Variants in NF2 observed in about 807,000 individuals in gnomAD.
NF2 encodes the protein NF2, moesin-ezrin-radixin like (MERLIN) tumor suppressor, also known as merlin.
In NF2, 8 loss-of-function variants were observed where a neutral mutation model predicts 83.7. The observed-to-expected ratio is 0.10, with a 90% CI of 0.06 to 0.17. The LOEUF (loss-of-function observed/expected upper bound fraction) is 0.17, where lower values mean the gene tolerates loss of function less well. Among genes scored for constraint, NF2 ranks in the 10% least tolerant of loss-of-function variants. The pLI is 1.00. For missense variants in NF2, 533 were observed against 744.4 expected, an observed-to-expected ratio of 0.72 and a Z score of 3.31; for synonymous variants, 266 against 269.6, an observed-to-expected ratio of 0.99 and a Z score of 0.13.
Position 29,673,446 on chromosome 22 carries a change from G to A in NF2, c.1300G>A (p.Glu434Lys), listed in dbSNP as rs992662337. The A allele has an allele frequency of 1.1e-5, 17 of 1,611,868 alleles. No homozygotes were observed. Among genetic ancestry groups the A allele is most frequent in the African/African-American group, 8.0e-5 (6 of 74,932 alleles). Residue 434 changes from glutamate (E) to lysine (K), a missense_variant, in exon 12 of 16, where the codon GAG (glutamate) becomes AAG (lysine). Glu to Lys is a moderately conservative substitution (Grantham distance 56). This residue lies in a region of NF2 where 199 missense variants were observed against 240.7 expected (regional missense o/e 0.83). Transcript: ENST00000338641. ...RLMEQKVLEA[E>K]VLALKMAEES... ...GATGGAGCAGAAGGTGCTGGAAGCC[G>A]AGGTGCTGGCACTGAAGATGGCTGA... is the stretch of plus-strand genomic sequence containing the variant.
intron 9 of NF2, among the ~76,000 whole-genome samples, chr22:29,666,494 G>A (rs2066627373): frequency 6.6e-6 from 1 of 151,930 alleles, no homozygotes; most frequent in Non-Finnish European, 1.5e-5. Flanking sequence ...GCCTCCTGGT[G>A]CACATAGGCA....
At chr22:29,650,481 C>T (rs552034410) in intron 4 of NF2, among the ~76,000 whole-genome samples, 8 of 152,190 alleles carry the variant, frequency 5.3e-5, no homozygotes, top group South Asian at 2.1e-4. Flanking sequence ...GTGAATCAAC[C>T]GTTTATGACT....
chr22:29,669,031 C>T (rs2066708313), intron 10 of NF2, among the ~76,000 whole-genome samples: 1 of 152,232 alleles, frequency 6.6e-6, no homozygotes, highest in Non-Finnish European at 1.5e-5. Context: ...TAATTTGGGC[C>T]TTACTGCTGA....
At chr22:29,648,560 T>C (rs2066049895) in intron 4 of NF2, among the ~76,000 whole-genome samples, 1 of 152,238 alleles carries the variant, frequency 6.6e-6, no homozygotes, top group African/African-American at 2.4e-5. Context: ...TCCAGGTGGC[T>C]ACTCCAGAGG....
intron 15 of NF2, among the ~76,000 whole-genome samples, chr22:29,689,177 CAAAAAAAA>C (rs140087): frequency 1.1e-5 from 1 of 89,290 alleles, no homozygotes. Flanking sequence ...GACTCCGTCT[CAAAAAAAA>C]AAAAAAAAAA....
rs984296509 is a variant in NF2 at position 29,636,207 on chromosome 22, G to A, written c.115-544G>A. 3.9e-5 allele frequency among the ~76,000 whole-genome samples: 6 copies of A among 152,122 alleles called. No homozygotes were observed. The highest frequency in any genetic ancestry group is 1.4e-4 in the African/African-American group (6 of 41,402). ...TAGGCATCCTTGACAGGACAGACCT[G>A]TGATTGGACTGTCTGGTCTCTCATG... On this transcript the variant is annotated intron_variant, in intron 1 of 15. Transcript: ENST00000338641. The surrounding 1 kb of genome is among the most constrained non-coding windows in gnomAD (Gnocchi z 4.4).
intron 1 of NF2, among the ~76,000 whole-genome samples, chr22:29,615,342 G>A (rs1033908368): frequency 3.9e-5 from 6 of 152,200 alleles, no homozygotes; most frequent in African/African-American, 1.4e-4. Context: ...GGAGACCAAG[G>A]TGGGAGGATC....
chr22:29,683,147 G>A (rs1169098254), intron 15 of NF2: 1 of 1,613,784 alleles, frequency 6.2e-7, no homozygotes, highest in African/African-American at 1.3e-5. Flanking sequence ...GCCTGTCTCT[G>A]TCCTCGGGCC....
At chr22:29,608,104 C>T (rs181411845) in intron 1 of NF2, among the ~76,000 whole-genome samples, 9 of 115,122 alleles carry the variant, frequency 7.8e-5, no homozygotes, top group East Asian at 3.2e-4. Flanking sequence ...ACCTGGGAGG[C>T]GGAGGTTGCA....
rs2065450103 is a variant in NF2 at position 29,629,350 on chromosome 22, A to T, written c.115-7401A>T. ...TATTCACTTACTGTACAGTAAAATTACTTTTATAACTTTCCATTGTGTTTT... is the reference window on the plus strand; with the variant it reads ...TATTCACTTACTGTACAGTAAAATTTCTTTTATAACTTTCCATTGTGTTTT... On this transcript the variant is annotated intron_variant, in intron 1 of 15. Coordinates refer to ENST00000338641, the MANE Select transcript of NF2 (RefSeq NM_000268.4). 2.0e-5 allele frequency among the ~76,000 whole-genome samples: 3 copies of T among 152,196 alleles called. 1 individual carries two copies. The South Asian group carries it at 6.2e-4, about 31-fold the overall frequency.
intron 3 of NF2, among the ~76,000 whole-genome samples, chr22:29,640,137 G>A (rs1404954104): frequency 1.4e-5 from 2 of 143,238 alleles, no homozygotes; most frequent in Non-Finnish European, 3.0e-5. Context: ...GGAGGTTGCA[G>A]TGAGCCAAAA....
chr22:29,630,186 G>T (rs1177762174), intron 1 of NF2, among the ~76,000 whole-genome samples: 1 of 152,216 alleles, frequency 6.6e-6, no homozygotes, highest in Admixed American at 6.5e-5. Context: ...TATTCCTAAT[G>T]CTTCCCTGGT....
At position 29,697,858 on chromosome 22, in the gene NF2, G is replaced by A. The variant is rs1020394104; in HGVS notation, c.*3056G>A. 2.1e-5 allele frequency: 4 copies of A among 194,544 alleles called. No individual in the cohort carries two copies. Among genetic ancestry groups the A allele is most frequent in the African/African-American group, 7.0e-5 (3 of 43,154 alleles). The allele number at this position is 194,544 out of a possible 1,614,324, so 12.1% of individuals were successfully genotyped here. On this transcript the variant is annotated 3_prime_UTR_variant, in exon 16 of 16. Transcript: ENST00000338641. Reference sequence around the variant, plus strand: ...TGGGATTACAGGCATGAGCCACCGCGCTTGGCCAGACTGCGTCCTTTTTAA... The same window carrying A: ...TGGGATTACAGGCATGAGCCACCGCACTTGGCCAGACTGCGTCCTTTTTAA...
At chr22:29,613,450 G>A (rs1362126609) in intron 1 of NF2, among the ~76,000 whole-genome samples, 1 of 152,114 alleles carries the variant, frequency 6.6e-6, no homozygotes, top group Non-Finnish European at 1.5e-5. Flanking sequence ...AGAATCCCTT[G>A]AACCCAGGAG....
intron 15 of NF2, chr22:29,683,666 G>C (rs1330736427): frequency 1.0e-5 from 11 of 1,078,972 alleles, no homozygotes; most frequent in Admixed American, 9.3e-5. Context: ...GGAGTGGACT[G>C]TCTGTTCATC....
Position 29,686,850 on chromosome 22 carries a change from T to C in NF2, c.1737+5249T>C, listed in dbSNP as rs185700835. Among the ~76,000 whole-genome samples the C allele has an allele frequency of 1.4e-4, 22 of 152,254 alleles. No individual in the cohort carries two copies. In the East Asian group the frequency reaches 3.9e-3, roughly 27 times the overall value. The stretch of plus-strand genomic sequence containing the variant: ...AAAGCCGCCCTGGGGAACCTGGAAT[T>C]GTTTCATTCTCAGTGGGAGCGACAC... On this transcript the variant is annotated intron_variant, in intron 15 of 15. Transcript: ENST00000338641.
At chr22:29,639,589 A>C (rs765560786) in intron 3 of NF2, among the ~76,000 whole-genome samples, 1 of 152,216 alleles carries the variant, frequency 6.6e-6, no homozygotes, top group African/African-American at 2.4e-5. Flanking sequence ...ATCTGCTCTC[A>C]TTAAGAGAGG....
chr22:29,685,001 A>G (rs939292874), intron 15 of NF2, among the ~76,000 whole-genome samples: 1 of 150,694 alleles, frequency 6.6e-6, no homozygotes, highest in Admixed American at 6.7e-5. Context: ...CCTAGATGTC[A>G]AGGGCAGAAC....
chr22:29,641,726 C>T lies in NF2; in HGVS notation c.364-476C>T, dbSNP rs554223080. ...GATCAAATTTTATTGCTTCCTTTTC[C>T]CTTAGAGCAGCACGTTGAGAGTGAT... is the stretch of plus-strand genomic sequence containing the variant. On this transcript the variant is annotated intron_variant, in intron 3 of 15. Coordinates refer to ENST00000338641, the MANE Select transcript of NF2 (RefSeq NM_000268.4). Among the ~76,000 whole-genome samples the T allele has an allele frequency of 8.5e-5, 13 of 152,252 alleles. No homozygotes were observed. The South Asian group carries it at 2.7e-3, about 32-fold the overall frequency.
Sources: allele counts gnomAD v4.1 joint callset (sites outside exome capture counted in the v4.1 genomes callset), GRCh38; gene constraint gnomAD v4.1.1; regional missense constraint gnomAD v4.1.1; non-coding constraint Gnocchi (gnomAD v3.1); transcripts MANE v1.5; gene names NCBI Gene and HGNC (gene_info 2026-07-23, HGNC 2026-07-21).